Variants in CCNY observed in about 807,000 individuals in gnomAD.
CCNY encodes the protein cyclin-Y.
Under a neutral mutation model 42.8 loss-of-function variants are expected in CCNY, and 19 were observed. That is an observed-to-expected ratio of 0.44 (90% confidence interval 0.31 to 0.65). The LOEUF (loss-of-function observed/expected upper bound fraction) is 0.65. Among genes scored for constraint, CCNY ranks in the 30% least tolerant of loss-of-function variants. The pLI is 0.07. For synonymous variants in CCNY, 165 were observed against 162.7 expected (o/e 1.01, Z -0.11); for missense variants, 370 against 437.3 (o/e 0.85, Z 1.37).
At position 35,348,511 on chromosome 10, in the gene CCNY, G is replaced by C. The variant is rs560851700; in HGVS notation, c.154+11304G>C. Among the ~76,000 whole-genome samples, 15 of 152,340 alleles carry C rather than the reference G, an allele frequency of 9.8e-5. No homozygotes were observed. The East Asian group carries it at 2.7e-3, about 27-fold the overall frequency. On this transcript the variant is annotated intron_variant, in intron 1 of 9. Coordinates refer to ENST00000374704, the MANE Select transcript of CCNY (RefSeq NM_145012.6). ...GTTGAGTTCTCTTCTGAAGCAGGAG[G>C]ATACGACTTCGTCACTCACAGTACG...
chr10:35,341,358 C>T (rs1335945341), intron 1 of CCNY, among the ~76,000 whole-genome samples: 1 of 152,202 alleles, frequency 6.6e-6, no homozygotes, highest in Admixed American at 6.5e-5. Context: ...CCTTCCCAAT[C>T]ACCTTTAAAC....
chr10:35,496,278 G>A (rs1840001208), intron 2 of CCNY, among the ~76,000 whole-genome samples: 2 of 152,216 alleles, frequency 1.3e-5, no homozygotes, highest in Non-Finnish European at 2.9e-5. Context: ...TTTTAAATGG[G>A]ACTCGTTTTA....
intron 3 of CCNY, among the ~76,000 whole-genome samples, chr10:35,312,387 A>C (rs935854772): frequency 8.0e-5 from 12 of 150,128 alleles, no homozygotes; most frequent in Non-Finnish European, 1.2e-4. Context: ...TGTCACAAAA[A>C]AAAAAAAAAA....
chr10:35,338,052 T>C (rs1290809778), intron 1 of CCNY, among the ~76,000 whole-genome samples: 1 of 152,258 alleles, frequency 6.6e-6, no homozygotes, highest in Admixed American at 6.5e-5. Flanking sequence ...GCTTAAAATA[T>C]AGTTTATAGA....
At chr10:35,369,304 C>T (rs1480287441) in intron 1 of CCNY, among the ~76,000 whole-genome samples, 1 of 152,200 alleles carries the variant, frequency 6.6e-6, no homozygotes, top group Admixed American at 6.5e-5. Flanking sequence ...CGTATTTCCT[C>T]CTGCCAGAGG....
intron 4 of CCNY, 61 bp downstream of exon 4, chr10:35,516,684 T>C: frequency 9.6e-7 from 1 of 1,044,830 alleles, no homozygotes; most frequent in Non-Finnish European, 1.4e-6. Flanking sequence ...TTTTTTTTTT[T>C]TTTTACTTAA....
intron 1 of CCNY, among the ~76,000 whole-genome samples, chr10:35,435,644 G>A (rs911444776): frequency 4.6e-5 from 7 of 152,186 alleles, no homozygotes; most frequent in African/African-American, 1.7e-4. Context: ...TGTTCTTTCT[G>A]GGTTACCTGT....
chr10:35,411,765 G>A (rs913810419), intron 1 of CCNY, among the ~76,000 whole-genome samples: 1 of 152,124 alleles, frequency 6.6e-6, no homozygotes, highest in African/African-American at 2.4e-5. Context: ...TTTCTTCCAT[G>A]GTCAGGCCAT....
At chr10:35,536,853 C>G (rs193043868) in intron 7 of CCNY, among the ~76,000 whole-genome samples, 7 of 152,268 alleles carry the variant, frequency 4.6e-5, no homozygotes, top group African/African-American at 1.4e-4. Context: ...AAATTTGCAG[C>G]CTGACAGTCT....
chr10:35,421,021 C>G (rs991473295), intron 1 of CCNY, among the ~76,000 whole-genome samples: 1 of 152,196 alleles, frequency 6.6e-6, no homozygotes, highest in Non-Finnish European at 1.5e-5. Context: ...AGTCACACAG[C>G]CAGCCCAGTG....
At chr10:35,396,982 TGTTACA>T (rs1837539822) in intron 1 of CCNY, among the ~76,000 whole-genome samples, 1 of 152,190 alleles carries the variant, frequency 6.6e-6, no homozygotes, top group Admixed American at 6.5e-5. Context: ...TTTTTCTGCC[TGTTACA>T]GTTCTGGGGG....
chr10:35,335,328 A>AAAAGCAAAGC (rs113932210), upstream of CCNY, among the ~76,000 whole-genome samples: 51 of 152,252 alleles, frequency 3.3e-4, no homozygotes, highest in Admixed American at 1.7e-3. Context: ...ATGGCATTCT[A>AAAAGCAAAGC]AAAGCAAAGC....
In CCNY at chr10:35,572,443, C is replaced by T. The variant is rs958690432; in HGVS notation, c.*3273C>T. 6.6e-6 allele frequency: 1 copy of T among 152,028 alleles called. No homozygotes were observed. The highest frequency in any genetic ancestry group is 2.4e-5 in the African/African-American group (1 of 41,330). 9.4% of individuals were successfully genotyped at this position (152,028 alleles called of 1,614,324 possible). A position where few individuals can be genotyped will look rare whatever the true frequency, so the allele number is the denominator to read the frequency against. On this transcript the variant is annotated 3_prime_UTR_variant, in exon 10 of 10. Transcript: ENST00000374704. Reference sequence around the variant, plus strand: ...CACAGGCACCCACCACCATGCCCAGCTGATTTTTGTAGTTTTAGTAGAGAC... The same window carrying T: ...CACAGGCACCCACCACCATGCCCAGTTGATTTTTGTAGTTTTAGTAGAGAC...
chr10:35,512,114 A>T (rs1311812228), intron 3 of CCNY, among the ~76,000 whole-genome samples: 1 of 152,260 alleles, frequency 6.6e-6, no homozygotes, highest in African/African-American at 2.4e-5. Flanking sequence ...AATAGAATCG[A>T]TAGCACTTGA....
intron 1 of CCNY, among the ~76,000 whole-genome samples, chr10:35,450,227 T>G (rs1225776372): frequency 6.7e-6 from 1 of 149,134 alleles, no homozygotes; most frequent in African/African-American, 2.5e-5. Context: ...TGTCAGGGAG[T>G]GAGTTGGGAA....
intron 8 of CCNY, among the ~76,000 whole-genome samples, chr10:35,565,271 G>T (rs1841546323): frequency 6.6e-6 from 1 of 152,194 alleles, no homozygotes; most frequent in Admixed American, 6.5e-5. Flanking sequence ...GTGGTTCTCA[G>T]AGTGTGGGCC....
chr10:35,542,082 C>G (rs1841013971), intron 7 of CCNY, among the ~76,000 whole-genome samples: 1 of 149,012 alleles, frequency 6.7e-6, no homozygotes, highest in South Asian at 2.2e-4. Flanking sequence ...CCCAGCATCC[C>G]TTTTCTTCTT....
At chr10:35,356,118 T>A (rs1472443173) in intron 1 of CCNY, among the ~76,000 whole-genome samples, 1 of 152,238 alleles carries the variant, frequency 6.6e-6, no homozygotes, top group African/African-American at 2.4e-5. Context: ...CTGGCTTAGC[T>A]GCAAGAAAGC....
intron 1 of CCNY, among the ~76,000 whole-genome samples, chr10:35,372,184 AG>A (rs1324914719): frequency 5.3e-5 from 8 of 152,212 alleles, no homozygotes; most frequent in African/African-American, 1.7e-4. Context: ...GAGGAGGGAA[AG>A]GATGGGGGAA....
Sources: gnomAD v4.1 joint callset for allele counts (sites outside exome capture counted in the v4.1 genomes callset) on GRCh38, gnomAD v4.1.1 for gene constraint, MANE v1.5 for transcripts, NCBI Gene and HGNC (gene_info 2026-07-23, HGNC 2026-07-21) for gene names.